RERG: variants seen among roughly 807,000 people sequenced by gnomAD.
RERG encodes RAS like estrogen regulated growth inhibitor, also known as ras-related and estrogen-regulated growth inhibitor.
A neutral mutation model predicts 23.2 loss-of-function variants in RERG; 25 were observed. That is an observed-to-expected ratio of 1.08 (90% CI 0.79 to 1.50). The LOEUF is 1.50. RERG is among the 40% of genes most tolerant of loss of function. The probability of loss-of-function intolerance (pLI) is 0.00; values close to 1 mark genes in which losing one functional copy is unlikely to be tolerated. For synonymous variants in RERG, 81 were observed against 89.1 expected (o/e 0.91, Z 0.51); for missense variants, 253 against 250.1 (o/e 1.01, Z -0.08).
At chr12:15,213,882 C>G (rs1294753677) in intron 2 of RERG, among the ~76,000 whole-genome samples, 8 of 152,028 alleles carry the variant, frequency 5.3e-5, no homozygotes, top group Non-Finnish European at 1.5e-5. Flanking sequence ...ATATTTCTGG[C>G]TTTTTACAAG....
At chr12:15,159,118 C>T (rs1733038377) in intron 2 of RERG, among the ~76,000 whole-genome samples, 1 of 152,152 alleles carries the variant, frequency 6.6e-6, no homozygotes, top group Non-Finnish European at 1.5e-5. Flanking sequence ...TAAGAAAGAA[C>T]TTGTCTTTCT....
intron 2 of RERG, among the ~76,000 whole-genome samples, chr12:15,201,561 T>A (rs1565536258): frequency 6.7e-6 from 1 of 149,164 alleles, no homozygotes. Context: ...TAATAGTAAT[T>A]AATAATAATA....
intron 2 of RERG, among the ~76,000 whole-genome samples, chr12:15,160,753 G>T (rs1565523872): frequency 6.6e-6 from 1 of 152,174 alleles, no homozygotes; most frequent in Non-Finnish European, 1.5e-5. Context: ...TGGCAGCATA[G>T]TGGAGACGGA....
intron 3 of RERG, among the ~76,000 whole-genome samples, chr12:15,120,086 T>C (rs1057077397): frequency 3.3e-5 from 5 of 152,134 alleles, no homozygotes; most frequent in African/African-American, 1.2e-4. Flanking sequence ...GTAGAGAGTA[T>C]TTAATAAATA....
intron 4 of RERG, among the ~76,000 whole-genome samples, chr12:15,109,961 TA>T (rs1228100843): frequency 5.9e-5 from 9 of 152,338 alleles, no homozygotes; most frequent in African/African-American, 1.9e-4. Flanking sequence ...GTTTATTTAT[TA>T]TTTTTTTGGT....
chr12:15,121,173 C>A (rs1309196601), intron 2 of RERG, 54 bp from the exon 3 acceptor site: 12 of 1,391,174 alleles, frequency 8.6e-6, no homozygotes, highest in Admixed American at 1.7e-5. Context: ...TTGCTTAGCA[C>A]ACCTATCTTT....
At chr12:15,197,122 A>G (rs1865156078) in intron 2 of RERG, among the ~76,000 whole-genome samples, 1 of 152,228 alleles carries the variant, frequency 6.6e-6, no homozygotes, top group African/African-American at 2.4e-5. Flanking sequence ...ATATTTACTG[A>G]GCAACTAGAA....
intron 4 of RERG, among the ~76,000 whole-genome samples, chr12:15,110,661 G>C (rs1370454855): frequency 6.6e-6 from 1 of 151,498 alleles, no homozygotes; most frequent in Non-Finnish European, 1.5e-5. Flanking sequence ...TGTATTTTTA[G>C]TAGAGACGGG....
chr12:15,175,433 C>T (rs1413624640), intron 2 of RERG, among the ~76,000 whole-genome samples: 1 of 144,060 alleles, frequency 6.9e-6, no homozygotes, highest in Non-Finnish European at 1.5e-5. Context: ...ACAAACTCTA[C>T]CCTAGACTTC....
At chr12:15,137,808 A>C in intron 2 of RERG, 1 of 429,974 alleles carries the variant, frequency 2.3e-6, no homozygotes, top group Non-Finnish European at 4.6e-6. Context: ...AAGAGTAAGA[A>C]AAATTAAAGT....
chr12:15,187,990 A>C (rs1865017606), intron 2 of RERG, among the ~76,000 whole-genome samples: 1 of 152,130 alleles, frequency 6.6e-6, no homozygotes, highest in African/African-American at 2.4e-5. Flanking sequence ...ATTTTTTCCC[A>C]GTGGAGTAAA....
chr12:15,189,991 A>C lies in RERG; in HGVS notation c.61+27438T>G, dbSNP rs192697023. On this transcript the variant is annotated intron_variant, in intron 2 of 4. Transcript: ENST00000256953. ...TATCCATTTCTAGGTAGTAGTTTAC[A>C]ATGTTACACTTCTCAGTAACAGTAA... Among the ~76,000 whole-genome samples, 550 of 152,328 alleles carry C rather than the reference A, an allele frequency of 3.6e-3. 2 individuals are homozygous for C. The highest frequency in any genetic ancestry group is 6.4e-3 in the Non-Finnish European group (433 of 68,014).
chr12:15,215,894 G>A (rs572424014), intron 2 of RERG, among the ~76,000 whole-genome samples: 36 of 152,118 alleles, frequency 2.4e-4, no homozygotes, highest in Non-Finnish European at 4.3e-4. Flanking sequence ...CAGCTACGTG[G>A]TTCTCTCAGC....
chr12:15,127,542 C>T (rs552445209), intron 2 of RERG, among the ~76,000 whole-genome samples: 6 of 152,290 alleles, frequency 3.9e-5, no homozygotes, highest in African/African-American at 1.2e-4. Flanking sequence ...AGAGGAATTG[C>T]TACCCCTGAC....
At chr12:15,199,375 ATTTTTTG>A (rs943822369) in intron 2 of RERG, among the ~76,000 whole-genome samples, 3 of 151,730 alleles carry the variant, frequency 2.0e-5, no homozygotes, top group African/African-American at 4.8e-5. Flanking sequence ...AGTGGCTTTT[ATTTTTTG>A]TTTTTTGTTT....
chr12:15,150,892 T>C (rs1864429403), intron 2 of RERG, among the ~76,000 whole-genome samples: 1 of 152,236 alleles, frequency 6.6e-6, no homozygotes, highest in Non-Finnish European at 1.5e-5. Context: ...AGGGTTAGGC[T>C]TTGAAATTCT....
chr12:15,109,517 C>A lies in RERG; in HGVS notation c.193G>T (p.Glu65Ter). ...TGCCCCTCCCTCTGAATGGTATCTT[C>A]CTGTTGGCAAAGAAAAATGGCCGTC... Reference protein sequence around the residue: ...SMEILDTAGQEDTIQREGHMR... With the variant: ...SMEILDTAGQ The change falls in exon 5 of 5, where the codon GAA (glutamate) becomes TAA (stop). Residue 65 changes from glutamate to a stop codon, truncating the protein, a stop_gained and splice_region_variant. Coordinates refer to ENST00000256953, the MANE Select transcript of RERG (RefSeq NM_032918.3). LOFTEE classifies it high-confidence loss of function. The A allele has an allele frequency of 6.4e-7, 1 of 1,572,114 alleles. No individual in the cohort carries two copies. The highest frequency in any genetic ancestry group is 8.6e-7 in the Non-Finnish European group (1 of 1,156,662).
intron 2 of RERG, among the ~76,000 whole-genome samples, chr12:15,170,810 C>A (rs1216573792): frequency 1.3e-5 from 2 of 152,160 alleles, no homozygotes; most frequent in African/African-American, 4.8e-5. Flanking sequence ...CCTAAACAAC[C>A]ACTTTTAAAA....
chr12:15,119,960 T>C (rs2136087627), intron 3 of RERG, among the ~76,000 whole-genome samples: 1 of 152,284 alleles, frequency 6.6e-6, no homozygotes, highest in African/African-American at 2.4e-5. Context: ...CTGTACAGCA[T>C]ACAATTAACG....
Sources: allele counts gnomAD v4.1 joint callset (sites outside exome capture counted in the v4.1 genomes callset), GRCh38; gene constraint gnomAD v4.1.1; transcripts MANE v1.5; gene names NCBI Gene and HGNC (gene_info 2026-07-23, HGNC 2026-07-21).